CYP7B1: variants seen among roughly 807,000 people sequenced by gnomAD.
CYP7B1 encodes cytochrome P450 family 7 subfamily B member 1.
CYP7B1 carries 29 observed loss-of-function variants against 42.7 expected under a neutral mutation model. That is an observed-to-expected ratio of 0.68 (90% CI 0.51 to 0.93). The LOEUF (loss-of-function observed/expected upper bound fraction) is 0.93. Ranked by LOEUF, CYP7B1 falls within the 40% of genes least tolerant of loss-of-function variation. The probability of loss-of-function intolerance (pLI) is 0.00; values close to 1 mark genes in which losing one functional copy is unlikely to be tolerated. For missense variants in CYP7B1, 655 were observed against 600.5 expected, an observed-to-expected ratio of 1.09 and a Z score of -0.95; for synonymous variants, 235 against 218.2, an observed-to-expected ratio of 1.08 and a Z score of -0.68.
intron 4 of CYP7B1, among the ~76,000 whole-genome samples, chr8:64,613,415 A>AT (rs1161061904): frequency 6.6e-6 from 1 of 152,142 alleles, no homozygotes; most frequent in Non-Finnish European, 1.5e-5. Flanking sequence ...TTACAACTAC[A>AT]TTTTTTAAGA....
intron 1 of CYP7B1, among the ~76,000 whole-genome samples, chr8:64,695,603 CTTTTTTTTT>C (rs35575527): frequency 0.1 from 10,286 of 100,206 alleles, 628 homozygotes; most frequent in South Asian, 0.23. Flanking sequence ...TATCAAATTC[CTTTTTTTTT>C]TTTTTTTTTT....
At chr8:64,637,228 C>G (rs1183565625) in intron 1 of CYP7B1, among the ~76,000 whole-genome samples, 1 of 152,134 alleles carries the variant, frequency 6.6e-6, no homozygotes, top group Non-Finnish European at 1.5e-5. Flanking sequence ...TTATCACAAT[C>G]ACAGAAAAGA....
At chr8:64,684,094 G>C (rs1585853332) in intron 1 of CYP7B1, among the ~76,000 whole-genome samples, 1 of 152,178 alleles carries the variant, frequency 6.6e-6, no homozygotes, top group South Asian at 2.1e-4. Context: ...TCGTCCATTA[G>C]AAGGTAAACC....
At chr8:64,779,843 A>T (rs1301649571) in intron 1 of CYP7B1, among the ~76,000 whole-genome samples, 1 of 152,192 alleles carries the variant, frequency 6.6e-6, no homozygotes, top group East Asian at 1.9e-4. Flanking sequence ...TTCACAAAGG[A>T]GTTCCCATTT....
rs1251610973 is a variant in CYP7B1, at chr8:64,595,657, C to G, written c.*985G>C. ...TCTTTGAATTATTGACACAATGCTG[C>G]ATGTGTCATATGAAATTACACTGCA... is the stretch of plus-strand genomic sequence containing the variant. On this transcript the variant is annotated 3_prime_UTR_variant, in exon 6 of 6. Transcript: ENST00000310193. Among the ~76,000 whole-genome samples, 2 of 152,160 alleles carry G rather than the reference C, an allele frequency of 1.3e-5. No homozygotes were observed. The highest frequency in any genetic ancestry group is 4.8e-5 in the African/African-American group (2 of 41,434).
At chr8:64,668,438 C>A (rs996362576) in intron 1 of CYP7B1, among the ~76,000 whole-genome samples, 22 of 151,974 alleles carry the variant, frequency 1.4e-4, no homozygotes, top group Non-Finnish European at 3.1e-4. Context: ...GTTTACATAT[C>A]TGTTTCCCAG....
At chr8:64,771,080 T>TTTTTG (rs61295651) in intron 1 of CYP7B1, among the ~76,000 whole-genome samples, 7 of 132,376 alleles carry the variant, frequency 5.3e-5, no homozygotes, top group Non-Finnish European at 9.4e-5. Flanking sequence ...TTTTTTTTTT[T>TTTTTG]AGACAGGGTC....
intron 1 of CYP7B1, among the ~76,000 whole-genome samples, chr8:64,672,801 A>G (rs769995610): frequency 3.1e-4 from 47 of 152,124 alleles, no homozygotes; most frequent in Non-Finnish European, 4.9e-4. Flanking sequence ...TGTGAATGTA[A>G]TAAGTATGTT....
chr8:64,769,966 G>A (rs1226929719), intron 1 of CYP7B1, among the ~76,000 whole-genome samples: 1 of 152,156 alleles, frequency 6.6e-6, no homozygotes, highest in Admixed American at 6.5e-5. Context: ...AGTCCAGCAA[G>A]TCCCAAAGTT....
chr8:64,695,797 A>G (rs1252100812), intron 1 of CYP7B1, among the ~76,000 whole-genome samples: 1 of 152,068 alleles, frequency 6.6e-6, no homozygotes. Flanking sequence ...TAGTGGTCAA[A>G]GTAATATATG....
At chr8:64,680,216 CTTCT>C (rs1806515380) in intron 1 of CYP7B1, among the ~76,000 whole-genome samples, 1 of 152,040 alleles carries the variant, frequency 6.6e-6, no homozygotes, top group Admixed American at 6.5e-5. Context: ...CTCCTTTAAA[CTTCT>C]TTCATCGCAC....
intron 1 of CYP7B1, among the ~76,000 whole-genome samples, chr8:64,642,923 T>A (rs768179030): frequency 2.0e-4 from 30 of 151,818 alleles, no homozygotes; most frequent in Non-Finnish European, 2.2e-4. Context: ...TGGACATATG[T>A]CTGTTTATGC....
At chr8:64,662,280 C>A (rs1435200277) in intron 1 of CYP7B1, among the ~76,000 whole-genome samples, 1 of 152,006 alleles carries the variant, frequency 6.6e-6, no homozygotes, top group African/African-American at 2.4e-5. Context: ...CTGCGGTGTG[C>A]TTTATCACAC....
intron 1 of CYP7B1, among the ~76,000 whole-genome samples, chr8:64,632,645 A>G (rs1030761477): frequency 4.6e-5 from 7 of 152,244 alleles, no homozygotes; most frequent in South Asian, 2.1e-4. Flanking sequence ...TCCAGCACCC[A>G]TTCATGATAA....
At chr8:64,740,007 A>C (rs1231207927) in intron 1 of CYP7B1, among the ~76,000 whole-genome samples, 1 of 152,144 alleles carries the variant, frequency 6.6e-6, no homozygotes, top group Admixed American at 6.6e-5. Context: ...CCTACCCTGC[A>C]AGAAATGTTA....
At chr8:64,685,071 G>C (rs1806599286) in intron 1 of CYP7B1, among the ~76,000 whole-genome samples, 2 of 152,166 alleles carry the variant, frequency 1.3e-5, no homozygotes, top group South Asian at 2.1e-4. Flanking sequence ...TTCACTACTA[G>C]GTATATACCC....
chr8:64,761,234 G>A (rs557111901), intron 1 of CYP7B1, among the ~76,000 whole-genome samples: 10 of 152,226 alleles, frequency 6.6e-5, no homozygotes, highest in African/African-American at 2.2e-4. Context: ...ACATTCAGCT[G>A]TAAGGTGACT....
chr8:64,598,067 C>T (rs536098601), intron 5 of CYP7B1, among the ~76,000 whole-genome samples: 1 of 152,182 alleles, frequency 6.6e-6, no homozygotes, highest in African/African-American at 2.4e-5. Flanking sequence ...TAGGTTTGTC[C>T]TCATTTATGT....
At chr8:64,675,083 A>C (rs974062360) in intron 1 of CYP7B1, among the ~76,000 whole-genome samples, 3 of 152,116 alleles carry the variant, frequency 2.0e-5, no homozygotes, top group African/African-American at 7.2e-5. Context: ...GGTGTTCTTC[A>C]TGGAAGTTAA....
Sources: allele counts gnomAD v4.1 joint callset (sites outside exome capture counted in the v4.1 genomes callset), GRCh38; gene constraint gnomAD v4.1.1; transcripts MANE v1.5; gene names NCBI Gene and HGNC (gene_info 2026-07-23, HGNC 2026-07-21).